The following KAZN variants were observed in gnomAD, a reference collection of about 807,000 sequenced individuals.
KAZN encodes the protein kazrin, periplakin interacting protein.
Under a neutral mutation model 87.4 loss-of-function variants are expected in KAZN, and 40 were observed. The ratio of observed to expected loss-of-function variants is 0.46; its 90% CI spans 0.36 to 0.60. The LOEUF is 0.60. Ranked by LOEUF, KAZN falls within the 20% of genes least tolerant of loss-of-function variation. The probability of loss-of-function intolerance (pLI) is 0.00; values close to 1 mark genes in which losing one functional copy is unlikely to be tolerated. For synonymous variants in KAZN, 466 were observed against 458.3 expected, an observed-to-expected ratio of 1.02 and a Z score of -0.22; for missense variants, 898 against 1,073.9, an observed-to-expected ratio of 0.84 and a Z score of 2.29.
intron 1 of KAZN, among the ~76,000 whole-genome samples, chr1:14,043,793 A>G (rs965102010): frequency 2.0e-5 from 3 of 152,218 alleles, no homozygotes. Context: ...CCCATGTTAC[A>G]TATGAAAAGC....
At chr1:14,883,341 A>AGGGAGG in intron 1 of KAZN, among the ~76,000 whole-genome samples, 1 of 29,534 alleles carries the variant, frequency 3.4e-5, no homozygotes. Context: ...AGAGAGAGAG[A>AGGGAGG]GAAAGAAAGA....
intron 1 of KAZN, among the ~76,000 whole-genome samples, chr1:13,948,473 C>T (rs1641226839): frequency 6.6e-6 from 1 of 152,124 alleles, no homozygotes; most frequent in South Asian, 2.1e-4. Context: ...CTGAGGCCTC[C>T]CCAGCCATGA....
intron 1 of KAZN, among the ~76,000 whole-genome samples, chr1:14,767,281 A>T (rs541100852): frequency 6.6e-6 from 1 of 152,238 alleles, no homozygotes; most frequent in East Asian, 1.9e-4. Flanking sequence ...CCCACCATTT[A>T]TTGGAGCCTG....
intron 1 of KAZN, among the ~76,000 whole-genome samples, chr1:14,615,332 A>G (rs1475435044): frequency 6.6e-6 from 1 of 152,208 alleles, no homozygotes; most frequent in Admixed American, 6.5e-5. Flanking sequence ...AGGCTAAAGA[A>G]GAGCAGAGTG....
chr1:13,961,456 G>A (rs950591101), intron 1 of KAZN, among the ~76,000 whole-genome samples: 2 of 152,182 alleles, frequency 1.3e-5, no homozygotes. Flanking sequence ...GTGGATGGGA[G>A]TCATTTTGTT....
At chr1:14,550,613 C>G (rs1248343208) in intron 2 of KAZN, among the ~76,000 whole-genome samples, 1 of 151,694 alleles carries the variant, frequency 6.6e-6, no homozygotes, top group Non-Finnish European at 1.5e-5. Flanking sequence ...TCACTTTAGG[C>G]TAGGGAAATT....
Position 15,112,452 on chromosome 1 carries a change from C to A in KAZN, c.2074C>A (p.Arg692Ser), listed in dbSNP as rs1396435544. Residue 692 changes from arginine (R) to serine (S), a missense_variant, in exon 14 of 15, where the codon CGT becomes AGT. Physicochemically the swap from Arg to Ser is moderately radical, Grantham distance 110. Around this residue, in one of 3 missense-constraint regions of KAZN, gnomAD observed 127 missense variants for 121.5 expected, o/e 1.04. Transcript: ENST00000376030. ...ANSTGIREAE[R>S]FGTPPGRASS... The stretch of plus-strand genomic sequence containing the variant: ...CTCCACAGGCATCCGGGAGGCTGAG[C>A]GTTTTGGAACGCCCCCTGGCAGGGC... 14 of 1,604,460 alleles carry A rather than the reference C, an allele frequency of 8.7e-6. No homozygotes were observed. The highest frequency in any genetic ancestry group is 1.1e-5 in the Non-Finnish European group (13 of 1,176,126).
chr1:14,403,033 G>T lies in KAZN; in HGVS notation c.250-195950G>T, dbSNP rs144059107. ...GTAGAGACGAGGTTTCGCCACATTGGTCAGGCTGGTCTTGAACTCCTGGCC... is the reference window on the plus strand; with the variant it reads ...GTAGAGACGAGGTTTCGCCACATTGTTCAGGCTGGTCTTGAACTCCTGGCC... On this transcript the variant is annotated intron_variant, in intron 2 of 16. Coordinates refer to the KAZN transcript ENST00000636203. Among the ~76,000 whole-genome samples the T allele has an allele frequency of 9.4e-3, 1,428 of 152,184 alleles. 19 individuals are homozygous for T. Among genetic ancestry groups the T allele is most frequent in the African/African-American group, 0.032 (1,347 of 41,498 alleles).
At chr1:14,425,055 T>A (rs530180952) in intron 2 of KAZN, among the ~76,000 whole-genome samples, 1 of 152,330 alleles carries the variant, frequency 6.6e-6, no homozygotes, top group South Asian at 2.1e-4. Flanking sequence ...AATGAGTTTC[T>A]GGGGCTCACT....
rs1172071255 is a variant in KAZN, at chr1:14,184,235, C to A, written c.249+3643C>A. ...TGCTTTTCTTTGTCTTCTCCCTCTG[C>A]CCTTTTTCTCCCCACCCGACCCAGC... On this transcript the variant is annotated intron_variant, in intron 2 of 16. Transcript: ENST00000636203. The surrounding 1 kb of genome is among the most constrained non-coding windows in gnomAD (Gnocchi z 4.2). Among the ~76,000 whole-genome samples the A allele has an allele frequency of 6.6e-6, 1 of 152,030 alleles. No homozygotes were observed. Among genetic ancestry groups the A allele is most frequent in the Admixed American group, 6.6e-5 (1 of 15,250 alleles).
At chr1:14,881,737 C>T (rs914343733) in intron 1 of KAZN, among the ~76,000 whole-genome samples, 2 of 152,192 alleles carry the variant, frequency 1.3e-5, no homozygotes, top group Non-Finnish European at 2.9e-5. Context: ...AGCCAGAAGA[C>T]CTCATATGAA....
chr1:14,132,626 C>A (rs564335397), intron 1 of KAZN, among the ~76,000 whole-genome samples: 3 of 152,174 alleles, frequency 2.0e-5, no homozygotes, highest in Non-Finnish European at 2.9e-5. Flanking sequence ...TGCTGGAGAG[C>A]AAAATCAACA....
At chr1:14,312,958 A>G (rs910947327) in intron 2 of KAZN, among the ~76,000 whole-genome samples, 1 of 152,158 alleles carries the variant, frequency 6.6e-6, no homozygotes, top group African/African-American at 2.4e-5. Context: ...CAGTTAAGCT[A>G]TGCCTGGATT....
intron 1 of KAZN, among the ~76,000 whole-genome samples, chr1:14,715,120 CAG>C (rs1642721145): frequency 6.6e-6 from 1 of 152,098 alleles, no homozygotes; most frequent in Admixed American, 6.5e-5. Flanking sequence ...TTGTAAGAGA[CAG>C]GGTCTCACTC....
At chr1:14,495,505 T>C (rs1669889251) in intron 2 of KAZN, among the ~76,000 whole-genome samples, 1 of 152,196 alleles carries the variant, frequency 6.6e-6, no homozygotes, top group Admixed American at 6.5e-5. Context: ...GCTCCTTTCC[T>C]TTCTGGTAGA....
At chr1:13,924,847 C>T (rs1216362503) in intron 1 of KAZN, among the ~76,000 whole-genome samples, 1 of 152,170 alleles carries the variant, frequency 6.6e-6, no homozygotes, top group African/African-American at 2.4e-5. Context: ...TCCCCTGAGG[C>T]TGTGTCATGG....
At chr1:14,672,020 T>C (rs1468884982) in intron 1 of KAZN, among the ~76,000 whole-genome samples, 1 of 152,242 alleles carries the variant, frequency 6.6e-6, no homozygotes, top group African/African-American at 2.4e-5. Context: ...ACTTTAGAGC[T>C]TCTGCACAGC....
At chr1:14,229,101 A>T (rs1335008364) in intron 2 of KAZN, among the ~76,000 whole-genome samples, 1 of 152,214 alleles carries the variant, frequency 6.6e-6, no homozygotes, top group East Asian at 1.9e-4. Flanking sequence ...GAAAATAGAT[A>T]TTATAGGCTC....
chr1:14,906,476 C>A (rs1204189233), intron 1 of KAZN, among the ~76,000 whole-genome samples: 12 of 151,954 alleles, frequency 7.9e-5, no homozygotes, highest in Non-Finnish European at 1.6e-4. Context: ...GCCTGGGAAT[C>A]GAGCTGAGGT....
Sources: gnomAD v4.1 joint callset for allele counts (sites outside exome capture counted in the v4.1 genomes callset) on GRCh38, gnomAD v4.1.1 for gene constraint, gnomAD v4.1.1 regional missense constraint, Gnocchi (gnomAD v3.1) non-coding constraint, MANE v1.5 for transcripts, NCBI Gene and HGNC (gene_info 2026-07-23, HGNC 2026-07-21) for gene names.